FOXP2: variants seen among roughly 807,000 people sequenced by gnomAD.
The protein encoded by FOXP2 is forkhead box P2, also known as forkhead box protein P2.
A neutral mutation model predicts 115.8 loss-of-function variants in FOXP2; 12 were observed. The observed-to-expected ratio is 0.10, with a 90% CI of 0.07 to 0.17. The LOEUF (loss-of-function observed/expected upper bound fraction) is 0.17, where lower values mean the gene tolerates loss of function less well. FOXP2 is among the 10% of genes least tolerant of loss of function. The pLI, the probability that FOXP2 is intolerant of heterozygous loss-of-function variation, is 1.00. For synonymous variants in FOXP2, 328 were observed against 297.7 expected (o/e 1.10, Z -1.05); for missense variants, 629 against 843.5 (o/e 0.75, Z 3.15).
intron 1 of FOXP2, among the ~76,000 whole-genome samples, chr7:114,267,787 A>C (rs1180244715): frequency 6.7e-6 from 1 of 148,288 alleles, no homozygotes; most frequent in Non-Finnish European, 1.5e-5. Context: ...AAATAAAATA[A>C]ATATATATGT....
intron 2 of FOXP2, among the ~76,000 whole-genome samples, chr7:114,436,625 T>C (rs1437693868): frequency 1.3e-5 from 2 of 151,598 alleles, no homozygotes; most frequent in Admixed American, 1.3e-4. Context: ...CTTGCCTTCA[T>C]AAAACTTAAC....
chr7:114,673,020 T>C (rs1453978601), intron 16 of FOXP2, among the ~76,000 whole-genome samples: 2 of 152,204 alleles, frequency 1.3e-5, no homozygotes, highest in Non-Finnish European at 2.9e-5. Context: ...TAATTACAGA[T>C]AAACTGGAAC....
At chr7:114,653,822 G>C in intron 9 of FOXP2, 104 bp from the exon 10 acceptor site, 2 of 1,233,814 alleles carry the variant, frequency 1.6e-6, no homozygotes, top group South Asian at 2.4e-5. Context: ...TTACATGCAG[G>C]AATCATTATT....
intron 2 of FOXP2, among the ~76,000 whole-genome samples, chr7:114,380,285 G>A (rs1792257152): frequency 6.6e-6 from 1 of 152,164 alleles, no homozygotes; most frequent in African/African-American, 2.4e-5. Flanking sequence ...GGAGGACTAG[G>A]TAAGCATACT....
At chr7:114,262,291 T>C (rs1795774980) in intron 1 of FOXP2, among the ~76,000 whole-genome samples, 1 of 152,026 alleles carries the variant, frequency 6.6e-6, no homozygotes, top group Non-Finnish European at 1.5e-5. Flanking sequence ...GGTATGGTGG[T>C]ATGTACCTGT....
chr7:114,623,600 C>T (rs752572578), intron 3 of FOXP2, among the ~76,000 whole-genome samples: 3 of 151,780 alleles, frequency 2.0e-5, no homozygotes, highest in Non-Finnish European at 4.4e-5. Context: ...TACAATGACA[C>T]GCCTATATGA....
intron 1 of FOXP2, among the ~76,000 whole-genome samples, chr7:114,156,941 T>C (rs891469920): frequency 1.3e-5 from 2 of 152,166 alleles, no homozygotes; most frequent in African/African-American, 4.8e-5. Context: ...TCAGTATAGA[T>C]TGTCTAGTAA....
intron 2 of FOXP2, among the ~76,000 whole-genome samples, chr7:114,380,019 CCCCATATTAGGGGT>C (rs1307853312): frequency 6.6e-6 from 1 of 152,088 alleles, no homozygotes; most frequent in Admixed American, 6.5e-5. Context: ...GAGGGGGTTA[CCCCATATTAGGGGT>C]CCTTCTATAA....
chr7:114,624,670 T>C (rs1422219036), intron 3 of FOXP2, among the ~76,000 whole-genome samples: 1 of 151,782 alleles, frequency 6.6e-6, no homozygotes, highest in East Asian at 1.9e-4. Context: ...TTTAGATGCA[T>C]TTGAACAGAG....
At chr7:114,548,493 A>T (rs1304963798) in intron 3 of FOXP2, among the ~76,000 whole-genome samples, 1 of 152,220 alleles carries the variant, frequency 6.6e-6, no homozygotes, top group African/African-American at 2.4e-5. Context: ...CCCTAGGGAT[A>T]TGTGAAAAGA....
intron 2 of FOXP2, among the ~76,000 whole-genome samples, chr7:114,517,143 A>G (rs1254645732): frequency 6.6e-6 from 1 of 151,818 alleles, no homozygotes; most frequent in African/African-American, 2.4e-5. Context: ...TCATGTGTAT[A>G]TCTTCCTTTG....
chr7:114,360,670 AATATTC>A (rs1791724739), intron 2 of FOXP2, among the ~76,000 whole-genome samples: 1 of 152,180 alleles, frequency 6.6e-6, no homozygotes, highest in African/African-American at 2.4e-5. Context: ...ATTAGGGCCA[AATATTC>A]ATTATCAGGA....
intron 2 of FOXP2, among the ~76,000 whole-genome samples, chr7:114,360,119 T>C (rs1041806966): frequency 6.6e-6 from 1 of 152,154 alleles, no homozygotes; most frequent in African/African-American, 2.4e-5. Flanking sequence ...CATGCTGTTC[T>C]CATGGTAATG....
chr7:114,445,020 A>G (rs553011767), intron 2 of FOXP2, among the ~76,000 whole-genome samples: 1 of 152,192 alleles, frequency 6.6e-6, no homozygotes, highest in South Asian at 2.1e-4. Flanking sequence ...CACATGGAAA[A>G]TAAAGTTTCC....
intron 16 of FOXP2, among the ~76,000 whole-genome samples, chr7:114,682,648 C>T (rs945947575): frequency 2.0e-5 from 3 of 151,920 alleles, no homozygotes; most frequent in African/African-American, 4.8e-5. Context: ...CTCTCATATC[C>T]TATAATGGGG....
intron 2 of FOXP2, among the ~76,000 whole-genome samples, chr7:114,532,158 C>T (rs1799170980): frequency 6.6e-6 from 1 of 151,800 alleles, no homozygotes; most frequent in Non-Finnish European, 1.5e-5. Context: ...AATAATTGAT[C>T]AGATACTCAG....
chr7:114,290,784 AAC>A (rs2129176407), intron 2 of FOXP2, among the ~76,000 whole-genome samples: 1 of 152,236 alleles, frequency 6.6e-6, no homozygotes, highest in South Asian at 2.1e-4. Context: ...CCTTATATGA[AAC>A]CTTGAACAAA....
intron 2 of FOXP2, among the ~76,000 whole-genome samples, chr7:114,380,896 G>A (rs1256626869): frequency 1.3e-5 from 2 of 152,140 alleles, no homozygotes; most frequent in African/African-American, 4.8e-5. Context: ...CTTGTCCTTT[G>A]GACCTGTGTA....
chr7:114,121,227 C>T (rs1791556169), intron 1 of FOXP2, among the ~76,000 whole-genome samples: 1 of 152,038 alleles, frequency 6.6e-6, no homozygotes, highest in African/African-American at 2.4e-5. Context: ...AGAGAGCCGT[C>T]TTACTCTCTT....
Sources: gnomAD v4.1 joint callset for allele counts (sites outside exome capture counted in the v4.1 genomes callset) on GRCh38, gnomAD v4.1.1 for gene constraint, MANE v1.5 for transcripts, NCBI Gene and HGNC (gene_info 2026-07-23, HGNC 2026-07-21) for gene names.